The following CSGALNACT1 variants were observed in gnomAD, a reference collection of about 807,000 sequenced individuals.
The protein encoded by CSGALNACT1 is chondroitin sulfate N-acetylgalactosaminyltransferase 1, also known as beta4GalNAcT-1.
Under a neutral mutation model 51.0 loss-of-function variants are expected in CSGALNACT1, and 52 were observed. That is an observed-to-expected ratio of 1.02 (90% CI 0.82 to 1.29). The LOEUF (loss-of-function observed/expected upper bound fraction) is 1.29, where lower values mean the gene tolerates loss of function less well. Ranked by LOEUF, CSGALNACT1 falls within the 50% of genes most tolerant of loss-of-function variation. The probability of loss-of-function intolerance (pLI) is 0.00; values close to 1 mark genes in which losing one functional copy is unlikely to be tolerated. For synonymous variants in CSGALNACT1, 341 were observed against 254.4 expected (o/e 1.34, Z -3.24); for missense variants, 935 against 679.2 (o/e 1.38, Z -4.19).
chr8:19,573,506 C>G (rs1194546861), intron 3 of CSGALNACT1, among the ~76,000 whole-genome samples: 1 of 151,512 alleles, frequency 6.6e-6, no homozygotes, highest in Non-Finnish European at 1.5e-5. Flanking sequence ...TGTAGTGGTG[C>G]GATCTCTGCT....
intron 1 of CSGALNACT1, among the ~76,000 whole-genome samples, chr8:19,750,415 G>A (rs975589249): frequency 5.3e-5 from 8 of 152,166 alleles, no homozygotes; most frequent in African/African-American, 1.7e-4. Flanking sequence ...CTGTCAGTAG[G>A]GGGCAGCGGG....
intron 4 of CSGALNACT1, among the ~76,000 whole-genome samples, chr8:19,503,249 T>C (rs1239102686): frequency 2.6e-5 from 4 of 152,254 alleles, no homozygotes; most frequent in Non-Finnish European, 1.5e-5. Flanking sequence ...TGGGTCTGTC[T>C]GCCTTTAAAA....
At chr8:19,441,687 A>G (rs2061355411) in intron 5 of CSGALNACT1, among the ~76,000 whole-genome samples, 1 of 152,212 alleles carries the variant, frequency 6.6e-6, no homozygotes, top group Non-Finnish European at 1.5e-5. Flanking sequence ...AAACACCAAA[A>G]GCAATGGCAA....
At chr8:19,671,461 AC>A (rs764394080) in intron 1 of CSGALNACT1, among the ~76,000 whole-genome samples, 5 of 152,164 alleles carry the variant, frequency 3.3e-5, no homozygotes, top group African/African-American at 4.8e-5. Flanking sequence ...TATAAAGTTA[AC>A]ACCCACCAAT....
chr8:19,503,553 G>T (rs970172086), intron 4 of CSGALNACT1, among the ~76,000 whole-genome samples: 2 of 152,208 alleles, frequency 1.3e-5, no homozygotes, highest in South Asian at 4.2e-4. Flanking sequence ...ACACCCCAGG[G>T]AGAGTGACAA....
chr8:19,487,191 T>G (rs748255148), intron 4 of CSGALNACT1, among the ~76,000 whole-genome samples: 12 of 152,240 alleles, frequency 7.9e-5, no homozygotes, highest in Admixed American at 2.0e-4. Flanking sequence ...ACTCACATTC[T>G]GCTCCAGAGA....
rs145615301 is a variant in CSGALNACT1 at position 19,577,829 on chromosome 8, C to T, written c.-297+13331G>A. 2.6e-3 allele frequency among the ~76,000 whole-genome samples: 397 copies of T among 152,272 alleles called. 3 individuals carry two copies. Among genetic ancestry groups the T allele is most frequent in the Non-Finnish European group, 4.4e-3 (301 of 68,034 alleles). On this transcript the variant is annotated intron_variant, in intron 3 of 9. Transcript: ENST00000454498. ...CTGTAAAACTGTAAAGTTAGAGAGG[C>T]GGCTGAGATGCCTCCCAGGTCCCCT... is the stretch of plus-strand genomic sequence containing the variant.
chr8:19,498,096 C>T (rs984063407), intron 4 of CSGALNACT1, among the ~76,000 whole-genome samples: 1 of 152,136 alleles, frequency 6.6e-6, no homozygotes, highest in African/African-American at 2.4e-5. Context: ...TCAACGGGCA[C>T]GTATCCACGA....
intron 3 of CSGALNACT1, chr8:19,587,810 C>G (rs1053120613): frequency 5.3e-5 from 8 of 152,128 alleles, no homozygotes; most frequent in Non-Finnish European, 8.8e-5. Context: ...TTTGGAGAGT[C>G]AGAATTTTAA....
At chr8:19,743,571 G>A (rs371463604) in intron 1 of CSGALNACT1, among the ~76,000 whole-genome samples, 1 of 152,196 alleles carries the variant, frequency 6.6e-6, no homozygotes, top group South Asian at 2.1e-4. Context: ...CAGATAAGTT[G>A]AGAAAGTAAG....
At chr8:19,444,509 A>G (rs1215376350) in intron 5 of CSGALNACT1, among the ~76,000 whole-genome samples, 2 of 152,092 alleles carry the variant, frequency 1.3e-5, no homozygotes, top group African/African-American at 4.8e-5. Context: ...CTGGTAGGAT[A>G]TTTTGTGATA....
At chr8:19,426,042 C>T (rs1253801403) in intron 6 of CSGALNACT1, among the ~76,000 whole-genome samples, 3 of 152,210 alleles carry the variant, frequency 2.0e-5, no homozygotes, top group African/African-American at 7.2e-5. Flanking sequence ...CTCTAGCAGA[C>T]TCCACAGGCT....
At chr8:19,459,382 CAAA>C (rs377411028) in intron 4 of CSGALNACT1, among the ~76,000 whole-genome samples, 1,718 of 68,908 alleles carry the variant, frequency 0.025, 21 homozygotes, top group African/African-American at 0.096. Flanking sequence ...AACTTTATCT[CAAA>C]AAAAAAAAAA....
chr8:19,612,897 C>A (rs544732264), intron 1 of CSGALNACT1, among the ~76,000 whole-genome samples: 2 of 138,182 alleles, frequency 1.4e-5, no homozygotes, highest in Admixed American at 1.6e-4. Flanking sequence ...CATTTCAGCA[C>A]CCGTAAAACC....
chr8:19,742,546 C>T (rs1380878531), intron 1 of CSGALNACT1, among the ~76,000 whole-genome samples: 1 of 152,198 alleles, frequency 6.6e-6, no homozygotes, highest in Non-Finnish European at 1.5e-5. Flanking sequence ...CAATGCATCC[C>T]CCACGACAGC....
intron 3 of CSGALNACT1, among the ~76,000 whole-genome samples, chr8:19,553,217 T>C (rs1180170122): frequency 1.3e-5 from 2 of 151,764 alleles, no homozygotes; most frequent in Non-Finnish European, 2.9e-5. Context: ...AAAAAGAGAT[T>C]CCCTAAACAA....
At chr8:19,756,013 C>A (rs12676683) in intron 1 of CSGALNACT1, among the ~76,000 whole-genome samples, 13,202 of 152,124 alleles carry the variant, frequency 0.087, 776 homozygotes, top group East Asian at 0.25. Flanking sequence ...GTGTTCAAGT[C>A]GCCTTTTATG....
intron 1 of CSGALNACT1, among the ~76,000 whole-genome samples, chr8:19,678,401 G>C (rs372489835): frequency 7.2e-5 from 11 of 152,210 alleles, no homozygotes; most frequent in East Asian, 5.8e-4. Context: ...AATGATTCCA[G>C]GATAAGTCAC....
intron 3 of CSGALNACT1, among the ~76,000 whole-genome samples, chr8:19,561,383 C>G (rs2975439): frequency 6.6e-6 from 1 of 152,136 alleles, no homozygotes; most frequent in East Asian, 1.9e-4. Flanking sequence ...TGGATAAGTG[C>G]TTCATGACCA....
Sources: allele counts gnomAD v4.1 joint callset (sites outside exome capture counted in the v4.1 genomes callset), GRCh38; gene constraint gnomAD v4.1.1; transcripts MANE v1.5; gene names NCBI Gene and HGNC (gene_info 2026-07-23, HGNC 2026-07-21).